LRIF1: variants seen among roughly 807,000 people sequenced by gnomAD.
LRIF1 encodes ligand-dependent nuclear receptor-interacting factor 1.
LRIF1 carries 32 observed loss-of-function variants against 52.7 expected under a neutral mutation model. That is an observed-to-expected ratio of 0.61 (90% confidence interval 0.46 to 0.82). The LOEUF is 0.82. Ranked by LOEUF, LRIF1 falls within the 40% of genes least tolerant of loss-of-function variation. LRIF1 has a pLI of 0.00. For missense variants in LRIF1, 887 were observed against 892.0 expected, an observed-to-expected ratio of 0.99 and a Z score of 0.07; for synonymous variants, 323 against 317.4, an observed-to-expected ratio of 1.02 and a Z score of -0.19.
At chr1:110,891,484 C>T in the LRIF1 span, 1 of 1,604,998 alleles carries the variant, frequency 6.2e-7, no homozygotes, top group East Asian at 2.2e-5. Flanking sequence ...AAGTGTATCT[C>T]TTCTGAGCAC....
At chr1:110,922,753 G>A in the LRIF1 span, among the ~76,000 whole-genome samples, 1 of 152,138 alleles carries the variant, frequency 6.6e-6, no homozygotes, top group East Asian at 1.9e-4. Context: ...GATATCAGAT[G>A]CCCAGAATGA....
At chr1:110,891,260 G>A in the LRIF1 span, 1 of 663,638 alleles carries the variant, frequency 1.5e-6, no homozygotes. Context: ...CGCAGAGTTT[G>A]GGGAAACTTT....
downstream of LRIF1, among the ~76,000 whole-genome samples, chr1:110,945,846 T>G (rs1368800484): frequency 6.6e-6 from 1 of 152,226 alleles, no homozygotes; most frequent in Non-Finnish European, 1.5e-5. Flanking sequence ...GACAATTGAC[T>G]ACTGAATCTA....
chr1:110,876,594 A>G, the LRIF1 span, among the ~76,000 whole-genome samples: 1 of 152,154 alleles, frequency 6.6e-6, no homozygotes, highest in Non-Finnish European at 1.5e-5. Context: ...TTGTTAAAGT[A>G]AATTTGAACT....
chr1:110,962,814 T>C (rs1290463806), intron 1 of LRIF1, among the ~76,000 whole-genome samples: 2 of 152,096 alleles, frequency 1.3e-5, no homozygotes, highest in African/African-American at 4.8e-5. Context: ...GCAGACCCTA[T>C]TTTTTCCTCA....
the LRIF1 span, among the ~76,000 whole-genome samples, chr1:110,904,908 G>A: frequency 1.3e-5 from 2 of 152,078 alleles, no homozygotes; most frequent in Non-Finnish European, 2.9e-5. Context: ...AAGGAATTAG[G>A]AATTCTATCA....
chr1:110,921,753 A>T, the LRIF1 span, among the ~76,000 whole-genome samples: 1 of 152,218 alleles, frequency 6.6e-6, no homozygotes. Flanking sequence ...TATGGTTTAG[A>T]CGTGCCTCCT....
chr1:110,938,824 A>G, the LRIF1 span: 2 of 152,222 alleles, frequency 1.3e-5, no homozygotes, highest in Admixed American at 6.5e-5. Flanking sequence ...GACTCCACCA[A>G]AAAACTATTA....
intron 1 of LRIF1, among the ~76,000 whole-genome samples, chr1:110,956,216 TGATGGCATGGGGAGACAGGTAGTGG>T (rs1658692201): frequency 6.6e-6 from 1 of 152,180 alleles, no homozygotes; most frequent in African/African-American, 2.4e-5. Context: ...CAGGATGTGT[TGATGGCATGGGGAGACAGGTAGTGG>T]TTATGAATTT....
intron 1 of LRIF1, chr1:110,963,377 T>TA (rs1659047487): frequency 3.1e-6 from 1 of 322,228 alleles, no homozygotes; most frequent in African/African-American, 2.1e-5. Context: ...GTCCGCCTAT[T>TA]AAACTTGAGA....
In LRIF1 at chr1:110,963,733, C is replaced by T; in HGVS notation, c.-45G>A. 3.3e-6 allele frequency: 5 copies of T among 1,503,268 alleles called. No individual in the cohort carries two copies. The highest frequency in any genetic ancestry group is 4.6e-6 in the Non-Finnish European group (5 of 1,092,230). The allele number at this position is 1,503,268 out of a possible 1,614,324, so 93.1% of individuals were successfully genotyped here. ...ACACCTCATCCAGAAAAGTGGGAAGCGTGGGGCCGAGTTTCCCAATGGGGC... is the reference window on the plus strand; with the variant it reads ...ACACCTCATCCAGAAAAGTGGGAAGTGTGGGGCCGAGTTTCCCAATGGGGC... On this transcript the variant is annotated 5_prime_UTR_variant, in exon 1 of 4. Coordinates refer to ENST00000369763, the MANE Select transcript of LRIF1 (RefSeq NM_018372.4).
intron 1 of LRIF1, among the ~76,000 whole-genome samples, chr1:110,955,764 G>C (rs1658670914): frequency 6.6e-6 from 1 of 152,190 alleles, no homozygotes; most frequent in Admixed American, 6.5e-5. Flanking sequence ...GAAGCTACAG[G>C]AATAAATGGA....
chr1:110,880,379 G>A, the LRIF1 span: 1 of 152,154 alleles, frequency 6.6e-6, no homozygotes. Context: ...TGGAGAGGTA[G>A]AAAGTGGGAG....
At position 110,952,272 on chromosome 1, in the gene LRIF1, T is replaced by C. The variant is rs1658514089; in HGVS notation, c.612A>G (p.Ser204=). Residue 204 remains serine, a synonymous_variant, in exon 2 of 4, where the codon TCA becomes TCG. Transcript: ENST00000369763. ...CAGTTGCAAGTATCTTTTGCTGCAC[T>C]GAAGGAGGCAATGATGACGCTGGTA... is the stretch of plus-strand genomic sequence containing the variant. ...KSVPASSLPP[S]VQQKILATAT... 11 of 1,614,098 alleles carry C rather than the reference T, an allele frequency of 6.8e-6. No individual in the cohort carries two copies. The highest frequency in any genetic ancestry group is 9.3e-6 in the Non-Finnish European group (11 of 1,180,030).
intron 1 of LRIF1, among the ~76,000 whole-genome samples, chr1:110,960,089 T>C (rs753443932): frequency 2.0e-5 from 3 of 152,166 alleles, no homozygotes; most frequent in African/African-American, 4.8e-5. Context: ...ACTCTAATCC[T>C]AATAAACAGT....
chr1:110,884,221 T>A, the LRIF1 span, among the ~76,000 whole-genome samples: 41 of 152,242 alleles, frequency 2.7e-4, no homozygotes, highest in South Asian at 8.3e-3. Flanking sequence ...AAAGTTTTTC[T>A]CAATTCAGAA....
chr1:110,952,376 G>C lies in LRIF1; in HGVS notation c.508C>G (p.Leu170Val). ...SSFIVVNTQS[L>V]PVTVKSPVLP... ...ACTGGAGACTTCACAGTCACTGGAA[G>C]ACTCTGGGTATTAACTACAATAAAA... Residue 170 changes from leucine (L) to valine (V), a missense_variant, in exon 2 of 4, where the codon CTT becomes GTT. By Grantham distance (32) the Leu-to-Val change is conservative (BLOSUM62 1). Coordinates refer to ENST00000369763, the MANE Select transcript of LRIF1 (RefSeq NM_018372.4). The C allele has an allele frequency of 1.2e-6, 2 of 1,614,074 alleles. No individual in the cohort carries two copies. Among genetic ancestry groups the C allele is most frequent in the Non-Finnish European group, 1.7e-6 (2 of 1,179,930 alleles).
At chr1:110,946,903 C>T (rs1161512119), downstream of LRIF1, among the ~76,000 whole-genome samples, 1 of 152,072 alleles carries the variant, frequency 6.6e-6, no homozygotes, top group African/African-American at 2.4e-5. Context: ...GTGATCCGCC[C>T]GCCTCGGCCT....
chr1:110,889,815 G>A, the LRIF1 span, among the ~76,000 whole-genome samples: 34 of 152,188 alleles, frequency 2.2e-4, no homozygotes, highest in East Asian at 5.2e-3. Flanking sequence ...CAAAGCCTGG[G>A]TAGTAAATCA....
Sources: allele counts gnomAD v4.1 joint callset (sites outside exome capture counted in the v4.1 genomes callset), GRCh38; gene constraint gnomAD v4.1.1; transcripts MANE v1.5; gene names NCBI Gene and HGNC (gene_info 2026-07-23, HGNC 2026-07-21).